GPM6A: variants seen among roughly 807,000 people sequenced by gnomAD.
The protein encoded by GPM6A is neuronal membrane glycoprotein M6-a.
GPM6A carries 7 observed loss-of-function variants against 32.1 expected under a neutral mutation model. The observed-to-expected ratio is 0.22, with a 90% confidence interval of 0.12 to 0.41. The LOEUF is 0.41. Among genes scored for constraint, GPM6A ranks in the 10% least tolerant of loss-of-function variants. GPM6A has a pLI of 1.00. For missense variants in GPM6A, 235 were observed against 347.2 expected (o/e 0.68, Z 2.57); for synonymous variants, 130 against 123.4 (o/e 1.05, Z -0.35).
At chr4:175,925,858 T>C (rs1738822906) in intron 1 of GPM6A, among the ~76,000 whole-genome samples, 2 of 150,240 alleles carry the variant, frequency 1.3e-5, no homozygotes, top group Non-Finnish European at 3.0e-5. Context: ...TTCTTTTTTT[T>C]TTTTTTTCTT....
intron 1 of GPM6A, among the ~76,000 whole-genome samples, chr4:175,713,813 C>A: frequency 6.6e-6 from 1 of 152,246 alleles, no homozygotes; most frequent in Middle Eastern, 3.4e-3. Context: ...AATGGAGGAG[C>A]ATTTTCACTG....
intron 1 of GPM6A, among the ~76,000 whole-genome samples, chr4:175,844,003 A>G (rs918882403): frequency 3.9e-5 from 6 of 152,198 alleles, no homozygotes; most frequent in East Asian, 3.9e-4. Context: ...CCTTTGATAC[A>G]TAAGTCCTTA....
chr4:175,684,627 CA>C (rs1451988722), intron 2 of GPM6A, among the ~76,000 whole-genome samples: 1 of 151,998 alleles, frequency 6.6e-6, no homozygotes, highest in Non-Finnish European at 1.5e-5. Context: ...ATCATTTATT[CA>C]AAAGATCATC....
chr4:175,646,168 C>A (rs1293689794), intron 4 of GPM6A, among the ~76,000 whole-genome samples: 1 of 152,160 alleles, frequency 6.6e-6, no homozygotes, highest in Non-Finnish European at 1.5e-5. Context: ...GACTTCAATT[C>A]CCCCTTGACA....
chr4:175,637,689 T>C (rs1264770110), intron 6 of GPM6A, among the ~76,000 whole-genome samples: 3 of 2,044 alleles, frequency 1.5e-3, no homozygotes, highest in African/African-American at 4.9e-3. Flanking sequence ...ATATATAATA[T>C]ATAATATATT....
At chr4:175,665,899 C>A (rs1742723387) in intron 3 of GPM6A, among the ~76,000 whole-genome samples, 1 of 150,744 alleles carries the variant, frequency 6.6e-6, no homozygotes, top group African/African-American at 2.4e-5. Context: ...ATCAGTGATA[C>A]TGTAAATGTC....
intron 1 of GPM6A, among the ~76,000 whole-genome samples, chr4:175,790,752 C>A (rs1021503212): frequency 1.3e-5 from 2 of 152,086 alleles, no homozygotes; most frequent in Non-Finnish European, 2.9e-5. Context: ...AAACCAAGAA[C>A]GGCAAATGCC....
In GPM6A at chr4:175,954,554, T is replaced by G. The variant is rs1739922881; in HGVS notation, c.-23+47755A>C. 2.0e-5 allele frequency among the ~76,000 whole-genome samples: 3 copies of G among 152,214 alleles called. No individual in the cohort carries two copies. The South Asian group carries it at 6.2e-4, about 31-fold the overall frequency. On this transcript the variant is annotated intron_variant, in intron 1 of 7. Transcript: ENST00000280187. ...ACCACACTGAGTTTTGTCTATCATT[T>G]TTCCACCCGAAGAGTCAAGCCAAAG...
chr4:175,705,580 T>C (rs920051964), intron 1 of GPM6A, among the ~76,000 whole-genome samples: 1 of 152,122 alleles, frequency 6.6e-6, no homozygotes, highest in East Asian at 1.9e-4. Context: ...CCCACGTAGT[T>C]GCTGGCAGGG....
intron 1 of GPM6A, among the ~76,000 whole-genome samples, chr4:175,964,167 A>G (rs1740259818): frequency 6.6e-6 from 1 of 152,120 alleles, no homozygotes; most frequent in East Asian, 1.9e-4. Context: ...ACAGTAACAA[A>G]CATGATAGAT....
intron 1 of GPM6A, among the ~76,000 whole-genome samples, chr4:175,873,699 A>C (rs1316850139): frequency 6.6e-6 from 1 of 152,192 alleles, no homozygotes; most frequent in African/African-American, 2.4e-5. Context: ...GTAATTTTAA[A>C]ATGAATCCCC....
intron 3 of GPM6A, among the ~76,000 whole-genome samples, chr4:175,661,133 G>T (rs1338169997): frequency 6.6e-6 from 1 of 152,096 alleles, no homozygotes; most frequent in Non-Finnish European, 1.5e-5. Context: ...GTCAGATGGA[G>T]AATTTAAACA....
At chr4:175,977,013 A>T (rs1579680571) in intron 1 of GPM6A, among the ~76,000 whole-genome samples, 1 of 152,354 alleles carries the variant, frequency 6.6e-6, no homozygotes, top group South Asian at 2.1e-4. Flanking sequence ...CTTTAAAATT[A>T]TATAAATGTT....
At chr4:175,649,455 A>T in intron 4 of GPM6A, among the ~76,000 whole-genome samples, 2 of 152,146 alleles carry the variant, frequency 1.3e-5, no homozygotes, top group East Asian at 3.8e-4. Context: ...AAACTTGGGG[A>T]AATTTTAAAT....
At chr4:175,915,941 G>C (rs1738480048) in intron 1 of GPM6A, among the ~76,000 whole-genome samples, 1 of 152,208 alleles carries the variant, frequency 6.6e-6, no homozygotes, top group South Asian at 2.1e-4. Context: ...TGCACACGGG[G>C]ACTGGGTCAT....
chr4:175,851,632 T>A (rs1169213638), intron 1 of GPM6A, among the ~76,000 whole-genome samples: 3 of 152,130 alleles, frequency 2.0e-5, no homozygotes, highest in African/African-American at 7.2e-5. Flanking sequence ...AAACAGCAAC[T>A]TTGGAGTAAG....
At chr4:175,647,527 A>C (rs1741529200) in intron 4 of GPM6A, among the ~76,000 whole-genome samples, 2 of 152,214 alleles carry the variant, frequency 1.3e-5, no homozygotes, top group Non-Finnish European at 2.9e-5. Flanking sequence ...GAACTGTTCG[A>C]AATGCATAAA....
At chr4:175,700,450 A>C (rs1462901076) in intron 2 of GPM6A, among the ~76,000 whole-genome samples, 1 of 152,142 alleles carries the variant, frequency 6.6e-6, no homozygotes, top group Admixed American at 6.6e-5. Flanking sequence ...TCTTAGGTTA[A>C]AATTATACCA....
chr4:175,702,293 C>T (rs184773169), intron 1 of GPM6A, among the ~76,000 whole-genome samples: 30 of 152,170 alleles, frequency 2.0e-4, no homozygotes, highest in East Asian at 1.5e-3. Context: ...GGATATCCAC[C>T]GCCTAAAATA....
Sources: allele counts gnomAD v4.1 joint callset (sites outside exome capture counted in the v4.1 genomes callset), GRCh38; gene constraint gnomAD v4.1.1; transcripts MANE v1.5; gene names NCBI Gene and HGNC (gene_info 2026-07-23, HGNC 2026-07-21).